PRDM16: variants seen among roughly 807,000 people sequenced by gnomAD.
PRDM16 encodes the protein PR/SET domain 16.
PRDM16 carries 23 observed loss-of-function variants against 110.6 expected under a neutral mutation model. That is an observed-to-expected ratio of 0.21 (90% CI 0.15 to 0.29). The LOEUF is 0.29. Among genes scored for constraint, PRDM16 ranks in the 10% least tolerant of loss-of-function variants. The probability of loss-of-function intolerance (pLI) is 1.00; values close to 1 mark genes in which losing one functional copy is unlikely to be tolerated. For synonymous variants in PRDM16, 799 were observed against 781.8 expected, an observed-to-expected ratio of 1.02 and a Z score of -0.37; for missense variants, 1,615 against 1,794.3, an observed-to-expected ratio of 0.90 and a Z score of 1.81.
intron 2 of PRDM16, among the ~76,000 whole-genome samples, chr1:3,242,047 A>C (rs1360344993): frequency 3.3e-5 from 5 of 152,162 alleles, no homozygotes; most frequent in Non-Finnish European, 7.3e-5. Context: ...CGTGGCATGC[A>C]CTTTCCCACT....
chr1:3,363,894 G>A (rs527554962), intron 3 of PRDM16, among the ~76,000 whole-genome samples: 5 of 152,192 alleles, frequency 3.3e-5, no homozygotes, highest in East Asian at 1.9e-4. Context: ...AAAGCAGCCC[G>A]GCCAAAGGCA....
At chr1:3,150,717 G>A (rs961202896) in intron 1 of PRDM16, among the ~76,000 whole-genome samples, 4 of 151,968 alleles carry the variant, frequency 2.6e-5, no homozygotes, top group African/African-American at 7.3e-5. Flanking sequence ...ATTTAGACTC[G>A]AGCTTCAAAC....
intron 14 of PRDM16, 116 bp downstream of exon 14, chr1:3,426,341 GC>G: frequency 1.3e-6 from 1 of 783,040 alleles, no homozygotes; most frequent in Non-Finnish European, 2.0e-6. Context: ...ATCCAGATAG[GC>G]GCAGTGGGGG....
At chr1:3,428,312 C>T (rs553280977) in intron 14 of PRDM16, among the ~76,000 whole-genome samples, 80 of 151,760 alleles carry the variant, frequency 5.3e-4, no homozygotes, top group Admixed American at 5.1e-3. Context: ...GGGTGCAGCC[C>T]GGCCGCACTG....
Position 3,244,194 on chromosome 1 carries a change from G to T in PRDM16, c.438+57G>T, listed in dbSNP as rs553833399. The stretch of plus-strand genomic sequence containing the variant: ...CCCCAGCGTCCTCGGAGCTCCTGGC[G>T]GGGCGACCGCCATCCCAGCTGTCCC... On this transcript the variant is annotated intron_variant, in intron 3 of 16. Transcript: ENST00000270722. This position sits in a 1 kb window ranked among gnomAD's most constrained non-coding sequence, Gnocchi z 4.1. The T allele has an allele frequency of 1.0e-5, 16 of 1,533,660 alleles. No homozygotes were observed. Among genetic ancestry groups the T allele is most frequent in the Non-Finnish European group, 1.4e-5 (16 of 1,109,778 alleles).
chr1:3,117,899 G>A (rs189628798), intron 1 of PRDM16, among the ~76,000 whole-genome samples: 19 of 152,312 alleles, frequency 1.2e-4, no homozygotes, highest in Admixed American at 8.5e-4. Flanking sequence ...CAGATTCACC[G>A]GCTACAAGAG....
rs565164925 is a variant in PRDM16 at position 3,190,415 on chromosome 1, C to T, written c.387+3941C>T. On this transcript the variant is annotated intron_variant, in intron 2 of 16. Transcript: ENST00000270722. This position sits in a 1 kb window ranked among gnomAD's most constrained non-coding sequence, Gnocchi z 5.0. ...TGCATTCCTTCTACGCTGAGGCTGA[C>T]GCTTTTGGGAGGGCCGCCCCCTCCT... is the stretch of plus-strand genomic sequence containing the variant. 2.2e-3 allele frequency among the ~76,000 whole-genome samples: 331 copies of T among 152,264 alleles called. 1 individual carries two copies. The highest frequency in any genetic ancestry group is 7.5e-3 in the African/African-American group (313 of 41,544).
At chr1:3,239,195 G>C (rs1453392627) in intron 2 of PRDM16, among the ~76,000 whole-genome samples, 1 of 152,236 alleles carries the variant, frequency 6.6e-6, no homozygotes, top group African/African-American at 2.4e-5. Context: ...GAGGATGTGT[G>C]GGTGGCCGTG....
In PRDM16 at chr1:3,069,337, C is replaced by G; in HGVS notation, c.37+41C>G. ...TCGGCCGCGCCGCGCCGCCGGGGCC[C>G]GGGCCGCCGGGCCGGGGCGCCCGGG... On this transcript the variant is annotated intron_variant, in intron 1 of 16. Coordinates refer to ENST00000270722, the MANE Select transcript of PRDM16 (RefSeq NM_022114.4). This position sits in a 1 kb window ranked among gnomAD's most constrained non-coding sequence, Gnocchi z 6.1. The G allele has an allele frequency of 2.0e-6, 2 of 1,019,090 alleles. No individual in the cohort carries two copies. The highest frequency in any genetic ancestry group is 2.4e-6 in the Non-Finnish European group (2 of 842,642). 63.1% of individuals were successfully genotyped at this position (1,019,090 alleles called of 1,614,324 possible).
In PRDM16 at chr1:3,190,591, G is replaced by A. The variant is rs2100806551; in HGVS notation, c.387+4117G>A. On this transcript the variant is annotated intron_variant, in intron 2 of 16. Coordinates refer to ENST00000270722, the MANE Select transcript of PRDM16 (RefSeq NM_022114.4). This position sits in a 1 kb window ranked among gnomAD's most constrained non-coding sequence, Gnocchi z 5.0. ...ATGGCTGTGTGTGTGCCCCAGGGGTGTGTGGAAACGGCCCCCTGGGCTTCA... is the reference window on the plus strand; with the variant it reads ...ATGGCTGTGTGTGTGCCCCAGGGGTATGTGGAAACGGCCCCCTGGGCTTCA... 6.6e-6 allele frequency among the ~76,000 whole-genome samples: 1 copy of A among 152,248 alleles called. No individual in the cohort carries two copies. The highest frequency in any genetic ancestry group is 3.4e-3 in the Middle Eastern group (1 of 294).
intron 10 of PRDM16, 46 bp downstream of exon 10, chr1:3,414,693 G>A (rs1185116228): frequency 6.8e-7 from 1 of 1,471,760 alleles, no homozygotes; most frequent in East Asian, 2.3e-5. Flanking sequence ...CCACACGCCA[G>A]TGGCCCCATC....
At position 3,079,456 on chromosome 1, in the gene PRDM16, C is replaced by T. The variant is rs114432575; in HGVS notation, c.37+10160C>T. ...TGTCCCAAGGTCCCTGGGTCCCTTT[C>T]GGAGGGAAGCCTGTAATGCAGAGAG... On this transcript the variant is annotated intron_variant, in intron 1 of 16. Transcript: ENST00000270722. Among the ~76,000 whole-genome samples the T allele has an allele frequency of 5.7e-3, 866 of 152,146 alleles. 6 individuals are homozygous for T. Among genetic ancestry groups the T allele is most frequent in the African/African-American group, 0.019 (769 of 41,496 alleles).
intron 3 of PRDM16, among the ~76,000 whole-genome samples, chr1:3,278,508 C>T (rs1363510505): frequency 1.3e-5 from 2 of 152,210 alleles, no homozygotes; most frequent in South Asian, 2.1e-4. Flanking sequence ...GCAACCCCCT[C>T]TTCTAAGCAC....
At chr1:3,310,529 G>A (rs773354675) in intron 3 of PRDM16, among the ~76,000 whole-genome samples, 23 of 152,142 alleles carry the variant, frequency 1.5e-4, no homozygotes, top group Non-Finnish European at 2.6e-4. Flanking sequence ...TCCACTTGGG[G>A]AGGTTGGGCT....
intron 1 of PRDM16, among the ~76,000 whole-genome samples, chr1:3,146,621 G>C (rs1643662936): frequency 6.7e-6 from 1 of 148,216 alleles, no homozygotes. Flanking sequence ...TGGGGGGTGT[G>C]TGTGCATGTG....
At chr1:3,424,515 G>A (rs1262299449) in intron 12 of PRDM16, among the ~76,000 whole-genome samples, 1 of 152,228 alleles carries the variant, frequency 6.6e-6, no homozygotes, top group Non-Finnish European at 1.5e-5. Context: ...TGGAGGAAGG[G>A]GGTCTCATCC....
intron 3 of PRDM16, among the ~76,000 whole-genome samples, chr1:3,352,288 T>TC (rs1642510303): frequency 6.6e-6 from 1 of 152,016 alleles, no homozygotes; most frequent in Admixed American, 6.6e-5. Flanking sequence ...TCTGCCCCCA[T>TC]CCCAGCCGTG....
intron 1 of PRDM16, among the ~76,000 whole-genome samples, chr1:3,154,048 TC>T (rs1014925603): frequency 1.3e-5 from 2 of 152,182 alleles, no homozygotes; most frequent in Non-Finnish European, 2.9e-5. Context: ...GCGCTCCCCT[TC>T]CCGTGCACTC....
chr1:3,399,361 G>A (rs1643431847), intron 5 of PRDM16, among the ~76,000 whole-genome samples: 1 of 152,240 alleles, frequency 6.6e-6, no homozygotes, highest in Non-Finnish European at 1.5e-5. Flanking sequence ...TAAAGCAGAA[G>A]TTTCTTGTAC....
Sources: allele counts gnomAD v4.1 joint callset (sites outside exome capture counted in the v4.1 genomes callset), GRCh38; gene constraint gnomAD v4.1.1; non-coding constraint Gnocchi (gnomAD v3.1); transcripts MANE v1.5; gene names NCBI Gene and HGNC (gene_info 2026-07-23, HGNC 2026-07-21).